Variants in SLC4A1AP observed in about 807,000 individuals in gnomAD.
SLC4A1AP encodes the protein kanadaptin.
In SLC4A1AP, 64 loss-of-function variants were observed where a neutral mutation model predicts 89.7. The observed-to-expected ratio is 0.71, with a 90% CI of 0.58 to 0.88. The LOEUF (loss-of-function observed/expected upper bound fraction) is 0.88. SLC4A1AP is among the 40% of genes least tolerant of loss of function. The probability of loss-of-function intolerance (pLI) is 0.00; values close to 1 mark genes in which losing one functional copy is unlikely to be tolerated. For missense variants in SLC4A1AP, 931 were observed against 965.0 expected (o/e 0.96, Z 0.47); for synonymous variants, 366 against 353.3 (o/e 1.04, Z -0.40).
intron 9 of SLC4A1AP, 57 bp from the exon 10 acceptor site, chr2:27,684,980 T>A: frequency 6.5e-7 from 1 of 1,530,644 alleles, no homozygotes; most frequent in Non-Finnish European, 8.8e-7. Context: ...TTGAAAAGAT[T>A]TTTCTCTTGT....
intron 8 of SLC4A1AP, among the ~76,000 whole-genome samples, chr2:27,681,011 C>G (rs1675610620): frequency 6.6e-6 from 1 of 152,100 alleles, no homozygotes; most frequent in Non-Finnish European, 1.5e-5. Context: ...TCCAAACTTT[C>G]TGCCTCCTAC....
intron 9 of SLC4A1AP, among the ~76,000 whole-genome samples, chr2:27,684,169 G>A (rs1675666683): frequency 6.6e-6 from 1 of 152,092 alleles, no homozygotes; most frequent in Non-Finnish European, 1.5e-5. Context: ...GCTCATACCT[G>A]TTATCCCAGC....
At chr2:27,688,765 A>G (rs1346629426) in exon 12 of SLC4A1AP, 12 of 1,600,152 alleles carry the variant, frequency 7.5e-6, no homozygotes, top group Non-Finnish European at 9.4e-6. Flanking sequence ...TGGTCCAGGC[A>G]AAGTAAGTAT....
intron 2 of SLC4A1AP, among the ~76,000 whole-genome samples, chr2:27,666,804 T>G (rs1675334762): frequency 1.3e-5 from 2 of 152,006 alleles, no homozygotes; most frequent in African/African-American, 4.8e-5. Flanking sequence ...TTGTGGTGGT[T>G]GTTCCACCCC....
intron 3 of SLC4A1AP, among the ~76,000 whole-genome samples, chr2:27,667,682 G>A (rs1025965985): frequency 6.6e-6 from 1 of 152,028 alleles, no homozygotes. Context: ...CCTGGACTTT[G>A]GTGGTGGGGA....
intron 10 of SLC4A1AP, 72 bp downstream of exon 10, chr2:27,685,349 C>G: frequency 3.9e-6 from 6 of 1,529,818 alleles, no homozygotes; most frequent in Non-Finnish European, 5.3e-6. Flanking sequence ...TTTTAAAAAG[C>G]AAGGCCAGTT....
In SLC4A1AP at chr2:27,664,527, G is replaced by C. The variant is rs763379372; in HGVS notation, c.775G>C (p.Val259Leu). 3 of 1,614,062 alleles carry C rather than the reference G, an allele frequency of 1.9e-6. No individual in the cohort carries two copies. The East Asian group carries it at 6.7e-5, about 36-fold the overall frequency. ...ACCTCGCACCTACTGTCGAGTCCAC[G>C]TTGGGCATGTTGTTCGCTTTGGAGG... The change falls in exon 1 of 14, where the codon GTT becomes CTT. Residue 259 changes from valine to leucine, a missense_variant. Physicochemically the swap from Val to Leu is conservative, Grantham distance 32. Transcript: ENST00000613058.
At chr2:27,667,386 A>G in exon 3 of SLC4A1AP, 1 of 1,612,406 alleles carries the variant, frequency 6.2e-7, no homozygotes, top group Non-Finnish European at 8.5e-7. Flanking sequence ...TTTTTGACCG[A>G]GAAGGTATGT....
chr2:27,670,184 G>A (rs1035316800), intron 5 of SLC4A1AP, among the ~76,000 whole-genome samples: 10 of 149,560 alleles, frequency 6.7e-5, no homozygotes, highest in African/African-American at 2.2e-4. Context: ...TTTTGATAGA[G>A]ACGAGGTTTC....
chr2:27,669,098 T>A, intron 4 of SLC4A1AP, 150 bp from the exon 5 acceptor site: 1 of 1,068,444 alleles, frequency 9.4e-7, no homozygotes, highest in Non-Finnish European at 1.4e-6. Flanking sequence ...AAGAAAATAT[T>A]TTAAATCCAA....
At chr2:27,689,554 C>T (rs1473538379) in intron 12 of SLC4A1AP, among the ~76,000 whole-genome samples, 1 of 152,176 alleles carries the variant, frequency 6.6e-6, no homozygotes, top group Non-Finnish European at 1.5e-5. Context: ...CCCCTAAGAA[C>T]AAGTTGTGGC....
At chr2:27,692,927 G>T (rs1015615323) in intron 12 of SLC4A1AP, 1 of 151,354 alleles carries the variant, frequency 6.6e-6, no homozygotes. Flanking sequence ...TTTGGTTTGC[G>T]ATTTATTTAT....
chr2:27,679,617 T>G (rs1675586378), intron 8 of SLC4A1AP, among the ~76,000 whole-genome samples: 1 of 151,812 alleles, frequency 6.6e-6, no homozygotes. Context: ...AATAAATAAA[T>G]TATGGTGTAG....
chr2:27,672,955 A>C (rs1357016008), intron 5 of SLC4A1AP, among the ~76,000 whole-genome samples: 1 of 152,188 alleles, frequency 6.6e-6, no homozygotes, highest in Non-Finnish European at 1.5e-5. Context: ...GGACAGTACT[A>C]TTTTTAGATT....
chr2:27,668,234 C>T (rs1267133631), intron 3 of SLC4A1AP, among the ~76,000 whole-genome samples: 2 of 151,764 alleles, frequency 1.3e-5, no homozygotes, highest in African/African-American at 2.4e-5. Context: ...CTGCAAGCTC[C>T]GCCTTCCGGA....
At chr2:27,670,304 C>T (rs902729544) in intron 5 of SLC4A1AP, among the ~76,000 whole-genome samples, 3 of 151,734 alleles carry the variant, frequency 2.0e-5, no homozygotes, top group African/African-American at 7.3e-5. Context: ...GGCCGTATCA[C>T]GAATATTACA....
At chr2:27,691,000 T>C (rs895840681) in intron 12 of SLC4A1AP, among the ~76,000 whole-genome samples, 2 of 151,874 alleles carry the variant, frequency 1.3e-5, no homozygotes, top group South Asian at 2.1e-4. Context: ...CTAGTTTTCT[T>C]TTTTTTTGTT....
rs764776158 is a variant in SLC4A1AP, at chr2:27,668,840, CAGG to C, written c.1145_1147del (p.Gly382del). ...AATTGTTTTGTCTGTCTTTCTCCCACAGGAGAAGAATTAGAATATGAATTTGAT... is the reference window on the plus strand; with the variant it reads ...AATTGTTTTGTCTGTCTTTCTCCCACAGAAGAATTAGAATATGAATTTGAT... On this transcript the variant is annotated splice_acceptor_variant and coding_sequence_variant, in exon 4 of 14. Coordinates refer to ENST00000613058, the Ensembl canonical transcript of SLC4A1AP. LOFTEE classifies it high-confidence loss of function. 5 of 1,612,288 alleles carry C rather than the reference CAGG, an allele frequency of 3.1e-6. No individual in the cohort carries two copies. In the Admixed American group the frequency reaches 8.3e-5, roughly 27 times the overall value.
At chr2:27,687,953 C>T (rs372513260) in exon 11 of SLC4A1AP, 8 of 1,612,740 alleles carry the variant, frequency 5.0e-6, no homozygotes, top group African/African-American at 2.7e-5. Context: ...CTCAACTTAG[C>T]GAGGAAGAAC....
Sources: gnomAD v4.1 joint callset for allele counts (sites outside exome capture counted in the v4.1 genomes callset) on GRCh38, gnomAD v4.1.1 for gene constraint, MANE v1.5 for transcripts, NCBI Gene and HGNC (gene_info 2026-07-23, HGNC 2026-07-21) for gene names.